The following RASAL2 variants were observed in gnomAD, a reference collection of about 807,000 sequenced individuals.
RASAL2 encodes RAS protein activator like 2, also known as ras GTPase-activating protein nGAP.
Under a neutral mutation model 128.9 loss-of-function variants are expected in RASAL2, and 58 were observed. That is an observed-to-expected ratio of 0.45 (90% CI 0.36 to 0.56). The LOEUF (loss-of-function observed/expected upper bound fraction) is 0.56, where lower values mean the gene tolerates loss of function less well. RASAL2 is among the 20% of genes least tolerant of loss of function. The pLI is 0.00. For missense variants in RASAL2, 1,360 were observed against 1,601.6 expected, an observed-to-expected ratio of 0.85 and a Z score of 2.57; for synonymous variants, 561 against 580.8, an observed-to-expected ratio of 0.97 and a Z score of 0.49.
intron 1 of RASAL2, among the ~76,000 whole-genome samples, chr1:178,175,262 T>G (rs1304533228): frequency 1.3e-5 from 2 of 152,054 alleles, no homozygotes; most frequent in Non-Finnish European, 2.9e-5. Flanking sequence ...TTAACTTTTT[T>G]GGGGGGAAAA....
chr1:178,119,191 T>C (rs553327179), intron 1 of RASAL2, among the ~76,000 whole-genome samples: 1 of 152,256 alleles, frequency 6.6e-6, no homozygotes, highest in Admixed American at 6.5e-5. Flanking sequence ...TTGTGACCCA[T>C]TGTGTGTCAC....
intron 1 of RASAL2, among the ~76,000 whole-genome samples, chr1:178,206,529 A>G (rs1663053009): frequency 6.6e-6 from 1 of 152,218 alleles, no homozygotes; most frequent in Non-Finnish European, 1.5e-5. Context: ...TTGCATGGCT[A>G]ATAAGGAATA....
Position 178,238,361 on chromosome 1 carries a change from A to T in RASAL2, c.203-45203A>T, listed in dbSNP as rs190235827. ...TTCCACATTTGTGCTATTATTAATT[A>T]TGCTACTATGAACATTCATGAACAA... On this transcript the variant is annotated intron_variant, in intron 1 of 17. Transcript: ENST00000367649. 2.3e-4 allele frequency among the ~76,000 whole-genome samples: 35 copies of T among 152,264 alleles called. No individual in the cohort carries two copies. The East Asian group carries it at 5.6e-3, about 24-fold the overall frequency.
intron 2 of RASAL2, among the ~76,000 whole-genome samples, chr1:178,287,177 C>T (rs1422602665): frequency 1.3e-5 from 2 of 151,562 alleles, no homozygotes; most frequent in African/African-American, 4.9e-5. Context: ...GTGAATCTTA[C>T]TCTTTATCTA....
chr1:178,215,877 T>C (rs1360851333), intron 1 of RASAL2, among the ~76,000 whole-genome samples: 2 of 152,152 alleles, frequency 1.3e-5, no homozygotes, highest in African/African-American at 4.8e-5. Flanking sequence ...GTTCAAATTA[T>C]GAATATATTA....
chr1:178,192,129 A>T (rs1295009617), intron 1 of RASAL2, among the ~76,000 whole-genome samples: 1 of 152,146 alleles, frequency 6.6e-6, no homozygotes. Context: ...TTTAACAGTG[A>T]GGGGGTCGGA....
intron 1 of RASAL2, among the ~76,000 whole-genome samples, chr1:178,247,160 C>A (rs1664801921): frequency 6.6e-6 from 1 of 152,164 alleles, no homozygotes; most frequent in Non-Finnish European, 1.5e-5. Context: ...CCTCTTTGTA[C>A]CTCTGGTAGA....
At chr1:178,188,874 T>A (rs1662397747) in intron 1 of RASAL2, among the ~76,000 whole-genome samples, 1 of 152,172 alleles carries the variant, frequency 6.6e-6, no homozygotes, top group South Asian at 2.1e-4. Context: ...TTCTAAATTT[T>A]ATACCCTCTA....
chr1:178,254,120 G>A (rs1665198040), intron 1 of RASAL2, among the ~76,000 whole-genome samples: 1 of 152,154 alleles, frequency 6.6e-6, no homozygotes, highest in Non-Finnish European at 1.5e-5. Flanking sequence ...TCAGTTCCCA[G>A]AATGTGCCAT....
chr1:178,166,475 A>C (rs1661517752), intron 1 of RASAL2, among the ~76,000 whole-genome samples: 1 of 152,220 alleles, frequency 6.6e-6, no homozygotes. Context: ...GATTAAAAAG[A>C]ACATCTTTTA....
chr1:178,361,145 C>A (rs904348021), intron 3 of RASAL2, among the ~76,000 whole-genome samples: 1 of 152,112 alleles, frequency 6.6e-6, no homozygotes, highest in African/African-American at 2.4e-5. Context: ...TAAAATAGTT[C>A]TGCCATTTAA....
chr1:178,126,915 C>T (rs907897358), intron 1 of RASAL2, among the ~76,000 whole-genome samples: 1 of 152,184 alleles, frequency 6.6e-6, no homozygotes, highest in Non-Finnish European at 1.5e-5. Context: ...AAAACTGACT[C>T]AGTCAGTGGT....
At chr1:178,168,689 C>G (rs1274657825) in intron 1 of RASAL2, among the ~76,000 whole-genome samples, 1 of 152,052 alleles carries the variant, frequency 6.6e-6, no homozygotes, top group Non-Finnish European at 1.5e-5. Flanking sequence ...CTTTTGCTTA[C>G]AGGCTTATGT....
At chr1:178,193,181 A>C (rs1017158937) in intron 1 of RASAL2, among the ~76,000 whole-genome samples, 1 of 152,208 alleles carries the variant, frequency 6.6e-6, no homozygotes, top group Non-Finnish European at 1.5e-5. Context: ...TGTGACAATT[A>C]CATCTGTTGA....
intron 1 of RASAL2, among the ~76,000 whole-genome samples, chr1:178,240,729 A>G (rs1169763207): frequency 6.6e-6 from 1 of 151,782 alleles, no homozygotes; most frequent in Non-Finnish European, 1.5e-5. Flanking sequence ...ATTAAAATAA[A>G]GTTATTAAGC....
intron 3 of RASAL2, chr1:178,372,118 A>T (rs1363786915): frequency 1.0e-6 from 1 of 959,756 alleles, no homozygotes; most frequent in Non-Finnish European, 1.2e-6. Flanking sequence ...TTTCTCTTTC[A>T]TCATTACTGC....
intron 3 of RASAL2, among the ~76,000 whole-genome samples, chr1:178,355,036 G>A (rs1670726936): frequency 2.0e-5 from 3 of 152,120 alleles, no homozygotes; most frequent in Admixed American, 2.0e-4. Flanking sequence ...AAGCAGGGAG[G>A]ATCACTTGAG....
chr1:178,361,958 A>C (rs1324039649), intron 3 of RASAL2, among the ~76,000 whole-genome samples: 1 of 151,968 alleles, frequency 6.6e-6, no homozygotes, highest in Non-Finnish European at 1.5e-5. Flanking sequence ...TACGGTTTAC[A>C]ATAGGGTATG....
chr1:178,170,320 T>C (rs574330124), intron 1 of RASAL2, among the ~76,000 whole-genome samples: 1 of 151,840 alleles, frequency 6.6e-6, no homozygotes, highest in Non-Finnish European at 1.5e-5. Context: ...AGAAATTCTG[T>C]GGTCTTTTCC....
Sources: gnomAD v4.1 joint callset for allele counts (sites outside exome capture counted in the v4.1 genomes callset) on GRCh38, gnomAD v4.1.1 for gene constraint, MANE v1.5 for transcripts, NCBI Gene and HGNC (gene_info 2026-07-23, HGNC 2026-07-21) for gene names.